Variants in ZNF595 observed in about 807,000 individuals in gnomAD.
ZNF595 encodes zinc finger protein 595.
In ZNF595, 9 loss-of-function variants were observed where a neutral mutation model predicts 19.4. That is an observed-to-expected ratio of 0.46 (90% CI 0.28 to 0.81). ZNF595 has a LOEUF of 0.81. ZNF595 is among the 30% of genes least tolerant of loss of function. The pLI, the probability that ZNF595 is intolerant of heterozygous loss-of-function variation, is 0.11. For missense variants in ZNF595, 729 were observed against 736.0 expected, an observed-to-expected ratio of 0.99 and a Z score of 0.11; for synonymous variants, 255 against 255.9, an observed-to-expected ratio of 1.00 and a Z score of 0.03.
intron 3 of ZNF595, among the ~76,000 whole-genome samples, 179 bp from the exon 4 acceptor site, chr4:85,552 G>A (rs1228009475): frequency 1.3e-5 from 2 of 152,104 alleles, no homozygotes; most frequent in Non-Finnish European, 2.9e-5. Context: ...TACAGATTTT[G>A]CACAAAGGTA....
chr4:68,581 T>C (rs1261945043), intron 3 of ZNF595: 3 of 152,412 alleles, frequency 2.0e-5, no homozygotes, highest in African/African-American at 7.2e-5. Flanking sequence ...GGTGTTTGTT[T>C]TTACGCTTTT....
intron 3 of ZNF595, chr4:67,891 C>CTTTT: frequency 2.4e-5 from 11 of 462,618 alleles, no homozygotes; most frequent in South Asian, 1.8e-4. Flanking sequence ...AGGATTGCTT[C>CTTTT]TTTTTTTTTT....
intron 3 of ZNF595, among the ~76,000 whole-genome samples, chr4:72,792 G>T (rs1327952550): frequency 6.6e-6 from 1 of 152,116 alleles, no homozygotes; most frequent in Non-Finnish European, 1.5e-5. Flanking sequence ...AGTTCCTTTT[G>T]TATAAAATGA....
chr4:87,233 T>G lies in ZNF595; in HGVS notation c.1729T>G (p.Ser577Ala), dbSNP rs373846310. Residue 577 changes from serine (S) to alanine (A), a missense_variant, in exon 4 of 4, where the codon TCA becomes GCA. Physicochemically the swap from Ser to Ala is moderately conservative, Grantham distance 99 (BLOSUM62 1). Transcript: ENST00000610261. Reference sequence around the variant, plus strand: ...ATGTGGCAAAGCCTATAACTTATCCTCAACCCTTACTAAACATAAGAGAAT... The same window carrying G: ...ATGTGGCAAAGCCTATAACTTATCCGCAACCCTTACTAAACATAAGAGAAT... ...KECGKAYNLSSTLTKHKRIHT... is the reference protein window; with the variant it reads ...KECGKAYNLSATLTKHKRIHT... 6.3e-7 allele frequency: 1 copy of G among 1,594,492 alleles called. No homozygotes were observed. Among genetic ancestry groups the G allele is most frequent in the African/African-American group, 1.4e-5 (1 of 74,032 alleles).
At chr4:76,451 T>G (rs1713663643) in intron 3 of ZNF595, among the ~76,000 whole-genome samples, 1 of 152,174 alleles carries the variant, frequency 6.6e-6, no homozygotes, top group Admixed American at 6.5e-5. Context: ...TTTTGTAACT[T>G]TTATACCAGA....
At chr4:66,746 A>G (rs1225548912) in intron 3 of ZNF595, among the ~76,000 whole-genome samples, 3 of 152,236 alleles carry the variant, frequency 2.0e-5, no homozygotes, top group Non-Finnish European at 4.4e-5. Context: ...AGATCATTTG[A>G]ACATATACAC....
intron 3 of ZNF595, among the ~76,000 whole-genome samples, chr4:78,535 A>T (rs1713768891): frequency 6.6e-6 from 1 of 152,358 alleles, no homozygotes; most frequent in Non-Finnish European, 1.5e-5. Flanking sequence ...AGTGGTCACC[A>T]GTGTTTTCTT....
intron 3 of ZNF595, among the ~76,000 whole-genome samples, chr4:74,256 G>C (rs1553798336): frequency 2.0e-5 from 3 of 152,310 alleles, no homozygotes; most frequent in East Asian, 3.9e-4. Flanking sequence ...CCAGATTTAT[G>C]ATGTATCCTG....
Position 83,619 on chromosome 4 carries a change from C to CAAAAAAA in ZNF595, c.227-2092_227-2086dup, listed in dbSNP as rs71164492. Reference sequence around the variant, plus strand: ...TGGGTGACAGAGTGAGACTCCGTCTCAAAAAAAAAAAAAAAAAAAAAAAAA... The same window carrying CAAAAAAA: ...TGGGTGACAGAGTGAGACTCCGTCTCAAAAAAAAAAAAAAAAAAAAAAAAAAAAAAAA... On this transcript the variant is annotated intron_variant, in intron 3 of 3. Coordinates refer to ENST00000610261, the MANE Select transcript of ZNF595 (RefSeq NM_182524.4). Among the ~76,000 whole-genome samples, 75 of 38,556 alleles carry CAAAAAAA rather than the reference C, an allele frequency of 1.9e-3. 1 individual carries two copies. Among genetic ancestry groups the CAAAAAAA allele is most frequent in the African/African-American group, 2.9e-3 (51 of 17,564 alleles). The allele number at this position is 38,556 out of a possible 152,430, so 25.3% of individuals were successfully genotyped here.
At chr4:81,237 T>TTTCA (rs1394999284) in intron 3 of ZNF595, among the ~76,000 whole-genome samples, 1 of 152,230 alleles carries the variant, frequency 6.6e-6, no homozygotes, top group Admixed American at 6.5e-5. Context: ...TACTACAATA[T>TTTCA]TTCACTGTGT....
intron 3 of ZNF595, among the ~76,000 whole-genome samples, chr4:69,403 T>G (rs964545325): frequency 6.6e-6 from 1 of 152,220 alleles, no homozygotes; most frequent in East Asian, 1.9e-4. Context: ...TACTGGCGTT[T>G]GTTATTGACT....
chr4:60,892 A>T (rs1712827985), intron 3 of ZNF595, among the ~76,000 whole-genome samples: 4 of 152,380 alleles, frequency 2.6e-5, no homozygotes, highest in Admixed American at 2.0e-4. Context: ...CAAATTTTCA[A>T]ATTACAATAT....
At chr4:76,343 G>A (rs1553798719) in intron 3 of ZNF595, among the ~76,000 whole-genome samples, 2 of 152,000 alleles carry the variant, frequency 1.3e-5, no homozygotes, top group African/African-American at 4.8e-5. Context: ...TCAAGCAGTT[G>A]TACTCCCTTC....
chr4:79,914 T>C (rs1713835313), intron 3 of ZNF595, among the ~76,000 whole-genome samples: 1 of 152,224 alleles, frequency 6.6e-6, no homozygotes, highest in Admixed American at 6.5e-5. Context: ...GCCAATGTTT[T>C]ATAATTTTCA....
chr4:83,261 T>G (rs1553800395), intron 3 of ZNF595, among the ~76,000 whole-genome samples: 1 of 152,000 alleles, frequency 6.6e-6, no homozygotes, highest in Non-Finnish European at 1.5e-5. Context: ...TTGCATAAAG[T>G]TTTTTCTTTC....
chr4:70,053 T>TC (rs1713363221), intron 3 of ZNF595, among the ~76,000 whole-genome samples: 1 of 152,182 alleles, frequency 6.6e-6, no homozygotes, highest in Non-Finnish European at 1.5e-5. Flanking sequence ...CCTGACCAGC[T>TC]AGTGAGACTC....
At chr4:74,009 T>G (rs1713541645) in intron 3 of ZNF595, among the ~76,000 whole-genome samples, 1 of 152,112 alleles carries the variant, frequency 6.6e-6, no homozygotes, top group Non-Finnish European at 1.5e-5. Context: ...ATATTTGGTG[T>G]TAGAATAAAG....
rs71164492 is a variant in ZNF595, at chr4:83,619, C to CAA, written c.227-2087_227-2086dup. 3.6e-3 allele frequency among the ~76,000 whole-genome samples: 139 copies of CAA among 38,532 alleles called. 2 individuals carry two copies. Among genetic ancestry groups the CAA allele is most frequent in the African/African-American group, 5.8e-3 (102 of 17,558 alleles). The allele number at this position is 38,532 out of a possible 152,430, so 25.3% of individuals were successfully genotyped here. ...TGGGTGACAGAGTGAGACTCCGTCT[C>CAA]AAAAAAAAAAAAAAAAAAAAAAAAA... On this transcript the variant is annotated intron_variant, in intron 3 of 3. Transcript: ENST00000610261.
chr4:87,196 C>T lies in ZNF595; in HGVS notation c.1692C>T (p.Tyr564=), dbSNP rs1714252634. The T allele has an allele frequency of 6.3e-7, 1 of 1,596,776 alleles. No individual in the cohort carries two copies. The highest frequency in any genetic ancestry group is 2.3e-5 in the East Asian group (1 of 43,422). ...AAATTCATTCTGGAGAGAAACCCTA[C>T]AAATGCAAAGAATGTGGCAAAGCCT... The part of the protein sequence containing the change: ...HKKIHSGEKP[Y]KCKECGKAYN... The change falls in exon 4 of 4, where the codon TAC becomes TAT. Residue 564 remains tyrosine (Y), a synonymous_variant. Coordinates refer to ENST00000610261, the MANE Select transcript of ZNF595 (RefSeq NM_182524.4).
Sources: allele counts gnomAD v4.1 joint callset (sites outside exome capture counted in the v4.1 genomes callset), GRCh38; gene constraint gnomAD v4.1.1; transcripts MANE v1.5; gene names NCBI Gene and HGNC (gene_info 2026-07-23, HGNC 2026-07-21).